THSD7A: variants seen among roughly 807,000 people sequenced by gnomAD.
THSD7A encodes the protein thrombospondin type-1 domain-containing protein 7A.
Under a neutral mutation model 231.3 loss-of-function variants are expected in THSD7A, and 96 were observed. The observed-to-expected ratio is 0.41, with a 90% CI of 0.35 to 0.49. THSD7A has a LOEUF of 0.49. Ranked by LOEUF, THSD7A falls within the 20% of genes least tolerant of loss-of-function variation. The pLI is 0.05. For synonymous variants in THSD7A, 940 were observed against 743.3 expected (o/e 1.26, Z -4.30); for missense variants, 2,290 against 2,070.2 (o/e 1.11, Z -2.06).
rs776566072 is a variant in THSD7A, at chr7:11,446,019, C to T, written c.3064+42G>A. ...GATGCGTGTGCATTTTCCCTCCACA[C>T]TCCCGAAGATAGCAAATATGTAACA... On this transcript the variant is annotated intron_variant, in intron 13 of 27. Coordinates refer to ENST00000423059, the MANE Select transcript of THSD7A (RefSeq NM_015204.3). This position sits in a 1 kb window ranked among gnomAD's most constrained non-coding sequence, Gnocchi z 4.0. The T allele has an allele frequency of 1.9e-6, 3 of 1,609,384 alleles. No individual in the cohort carries two copies. Among genetic ancestry groups the T allele is most frequent in the Non-Finnish European group, 2.5e-6 (3 of 1,176,848 alleles).
intron 1 of THSD7A, among the ~76,000 whole-genome samples, chr7:11,646,477 A>G (rs1030288849): frequency 2.6e-5 from 4 of 152,186 alleles, no homozygotes; most frequent in South Asian, 2.1e-4. Flanking sequence ...TAGTAAATGC[A>G]TATGTTTGTG....
Position 11,406,277 on chromosome 7 carries a change from G to T in THSD7A, c.4237+23C>A. 6.3e-7 allele frequency: 1 copy of T among 1,585,860 alleles called. No homozygotes were observed. The highest frequency in any genetic ancestry group is 8.6e-7 in the Non-Finnish European group (1 of 1,167,640). The stretch of plus-strand genomic sequence containing the variant: ...TCCTAGGAAAAAATAATCAGAATAT[G>T]AATTCTCCTTTGCCGTTGTTACCTG... On this transcript the variant is annotated intron_variant, in intron 22 of 27. Coordinates refer to ENST00000423059, the MANE Select transcript of THSD7A (RefSeq NM_015204.3). The surrounding 1 kb of genome is among the most constrained non-coding windows in gnomAD (Gnocchi z 4.7).
chr7:11,685,423 C>CGG (rs1245003336), intron 1 of THSD7A, among the ~76,000 whole-genome samples: 1 of 151,876 alleles, frequency 6.6e-6, no homozygotes, highest in Non-Finnish European at 1.5e-5. Context: ...AAACTGTCAA[C>CGG]AGAGAAAACA....
intron 2 of THSD7A, among the ~76,000 whole-genome samples, chr7:11,612,812 A>G (rs1173193670): frequency 6.6e-6 from 1 of 152,154 alleles, no homozygotes; most frequent in Non-Finnish European, 1.5e-5. Flanking sequence ...TAAGTGGTTA[A>G]CTCTTAGTTG....
Position 11,731,330 on chromosome 7 carries a change from C to T in THSD7A, c.191-94369G>A, listed in dbSNP as rs1271017644. Among the ~76,000 whole-genome samples, 2 of 151,468 alleles carry T rather than the reference C, an allele frequency of 1.3e-5. 1 individual carries two copies. Among genetic ancestry groups the T allele is most frequent in the Admixed American group, 1.3e-4 (2 of 15,134 alleles). On this transcript the variant is annotated intron_variant, in intron 1 of 27. Coordinates refer to ENST00000423059, the MANE Select transcript of THSD7A (RefSeq NM_015204.3). ...GTAACTCCCCTGATTATTGTGCATT[C>T]CCAAAAGTACCTACCATGCTGTTGA...
At chr7:11,771,302 C>T (rs74751676) in intron 1 of THSD7A, among the ~76,000 whole-genome samples, 5,278 of 151,490 alleles carry the variant, frequency 0.035, 105 homozygotes, top group East Asian at 0.11. Context: ...GTGATCACAA[C>T]GATCAATAAT....
chr7:11,391,290 C>A (rs546626786), intron 23 of THSD7A, among the ~76,000 whole-genome samples: 1 of 152,160 alleles, frequency 6.6e-6, no homozygotes, highest in Admixed American at 6.5e-5. Context: ...TTCACAAATG[C>A]CCTGCCCAGA....
chr7:11,399,414 T>C (rs1370498412), intron 23 of THSD7A, among the ~76,000 whole-genome samples: 1 of 152,120 alleles, frequency 6.6e-6, no homozygotes, highest in Non-Finnish European at 1.5e-5. Flanking sequence ...CATGAGCTGG[T>C]CTATTTTGTC....
chr7:11,685,153 G>T (rs1562475252), intron 1 of THSD7A, among the ~76,000 whole-genome samples: 1 of 151,858 alleles, frequency 6.6e-6, no homozygotes, highest in Non-Finnish European at 1.5e-5. Flanking sequence ...AATGTTGCTA[G>T]AAAAACTGGC....
chr7:11,422,064 G>A (rs1449300457), intron 16 of THSD7A, among the ~76,000 whole-genome samples: 1 of 152,154 alleles, frequency 6.6e-6, no homozygotes, highest in Non-Finnish European at 1.5e-5. Flanking sequence ...GAGATACACG[G>A]TGTAGAACCA....
intron 1 of THSD7A, among the ~76,000 whole-genome samples, chr7:11,690,764 A>AGACTAAAAT (rs1187650523): frequency 6.6e-6 from 1 of 151,782 alleles, no homozygotes; most frequent in Non-Finnish European, 1.5e-5. Context: ...CTTTTTATAT[A>AGACTAAAAT]GACTAAAATT....
At chr7:11,541,677 T>C (rs1789156229) in intron 5 of THSD7A, 46 bp from the exon 6 acceptor site, 1 of 1,548,642 alleles carries the variant, frequency 6.5e-7, no homozygotes, top group African/African-American at 1.4e-5. Context: ...ATCAAAGGTT[T>C]AGTATTTCAG....
At chr7:11,818,397 C>T (rs1399062268) in intron 1 of THSD7A, among the ~76,000 whole-genome samples, 2 of 152,182 alleles carry the variant, frequency 1.3e-5, no homozygotes, top group East Asian at 1.9e-4. Context: ...TCTATTCTTA[C>T]GCACACCAAC....
intron 2 of THSD7A, among the ~76,000 whole-genome samples, chr7:11,604,078 G>C (rs191353323): frequency 7.2e-5 from 11 of 151,854 alleles, no homozygotes; most frequent in Admixed American, 7.2e-4. Flanking sequence ...GATAACATTA[G>C]TATTTACAAT....
intron 4 of THSD7A, among the ~76,000 whole-genome samples, chr7:11,574,602 T>A (rs1478702902): frequency 3.1e-5 from 4 of 130,028 alleles, no homozygotes; most frequent in African/African-American, 1.2e-4. Flanking sequence ...GCCCGGCTAA[T>A]TTTTTTTTTT....
At chr7:11,378,212 T>C (rs1291894750) in intron 26 of THSD7A, 1 of 152,212 alleles carries the variant, frequency 6.6e-6, no homozygotes, top group Non-Finnish European at 1.5e-5. Flanking sequence ...TCTAATGGCA[T>C]TTTAAAGTAG....
At chr7:11,485,411 A>G (rs905541039) in intron 6 of THSD7A, among the ~76,000 whole-genome samples, 1 of 152,300 alleles carries the variant, frequency 6.6e-6, no homozygotes, top group Middle Eastern at 3.4e-3. Flanking sequence ...CAGAGTATCC[A>G]TGGCTGAAAA....
At chr7:11,800,520 G>T (rs147644527) in intron 1 of THSD7A, among the ~76,000 whole-genome samples, 29 of 152,248 alleles carry the variant, frequency 1.9e-4, no homozygotes, top group African/African-American at 6.3e-4. Flanking sequence ...TTGCACTCTA[G>T]CCTGGGCAAC....
chr7:11,400,183 G>A (rs1484008276), intron 23 of THSD7A, among the ~76,000 whole-genome samples: 1 of 112,794 alleles, frequency 8.9e-6, no homozygotes, highest in Non-Finnish European at 1.7e-5. Context: ...AGGGGGGAGG[G>A]ATAGCATTAG....
Sources: gnomAD v4.1 joint callset for allele counts (sites outside exome capture counted in the v4.1 genomes callset) on GRCh38, gnomAD v4.1.1 for gene constraint, Gnocchi (gnomAD v3.1) non-coding constraint, MANE v1.5 for transcripts, NCBI Gene and HGNC (gene_info 2026-07-23, HGNC 2026-07-21) for gene names.